Variants in ZNF519 observed in about 807,000 individuals in gnomAD.
The protein encoded by ZNF519 is similar to Zinc finger protein 85 (Zinc finger protein HPF4) (HTF1).
ZNF519 carries 7 observed loss-of-function variants against 7.4 expected under a neutral mutation model. The observed-to-expected ratio is 0.94, with a 90% CI of 0.54 to 1.77. The LOEUF is 1.77. Ranked by LOEUF, ZNF519 falls within the 40% of genes most tolerant of loss-of-function variation. ZNF519 has a pLI of 0.00. For missense variants in ZNF519, 586 were observed against 623.1 expected (o/e 0.94, Z 0.63); for synonymous variants, 179 against 203.3 (o/e 0.88, Z 1.02).
At chr18:14,079,220 A>T (rs2046060902) in intron 3 of ZNF519, among the ~76,000 whole-genome samples, 1 of 152,178 alleles carries the variant, frequency 6.6e-6, no homozygotes, top group Admixed American at 6.5e-5. Context: ...CACAGGAGGG[A>T]GACCTGTAGT....
At chr18:14,120,249 A>G (rs1243501664) in intron 2 of ZNF519, among the ~76,000 whole-genome samples, 1 of 152,184 alleles carries the variant, frequency 6.6e-6, no homozygotes, top group East Asian at 1.9e-4. Flanking sequence ...ATCCATGCAT[A>G]CAAGGTCAAC....
chr18:14,105,296 C>G lies in ZNF519; in HGVS notation c.1244G>C (p.Arg415Thr). Residue 415 changes from arginine to threonine, a missense_variant, in exon 3 of 3, where the codon AGA becomes ACA. Transcript: ENST00000590202. ...KCKECGKAFN[R>T]ASHLTQHQRI... ...CTGATGTTGAGTAAGGTGTGAAGCT[C>G]TGTTAAAAGCTTTGCCACATTCCTT... 3 of 1,613,436 alleles carry G rather than the reference C, an allele frequency of 1.9e-6. No homozygotes were observed. The highest frequency in any genetic ancestry group is 2.7e-5 in the African/African-American group (2 of 74,852).
intron 3 of ZNF519, among the ~76,000 whole-genome samples, chr18:14,079,707 T>C (rs921949644): frequency 1.3e-5 from 2 of 152,186 alleles, no homozygotes; most frequent in African/African-American, 4.8e-5. Flanking sequence ...GACATATACA[T>C]ATTAAAATAT....
chr18:14,118,106 T>A lies in ZNF519; in HGVS notation c.130+6244A>T, dbSNP rs538517238. 4.9e-4 allele frequency among the ~76,000 whole-genome samples: 74 copies of A among 152,344 alleles called. 1 individual carries two copies. Among genetic ancestry groups the A allele is most frequent in the African/African-American group, 1.6e-3 (68 of 41,574 alleles). ...CAGAGTCTCGCTCTGTCGTCCAGGC[T>A]GGAGTGCAGTGGCATGGCCTCGGCT... On this transcript the variant is annotated intron_variant, in intron 2 of 2. Coordinates refer to ENST00000590202, the MANE Select transcript of ZNF519 (RefSeq NM_145287.4).
At position 14,125,981 on chromosome 18, in the gene ZNF519, C is replaced by T. The variant is rs567441594; in HGVS notation, c.4-1505G>A. Among the ~76,000 whole-genome samples the T allele has an allele frequency of 2.6e-4, 39 of 152,274 alleles. 1 individual carries two copies. In the East Asian group the frequency reaches 3.5e-3, roughly 14 times the overall value. On this transcript the variant is annotated intron_variant, in intron 1 of 2. Coordinates refer to ENST00000590202, the MANE Select transcript of ZNF519 (RefSeq NM_145287.4). Reference sequence around the variant, plus strand: ...GATTACAGGCATGAGCCACCGCACCCGGCCTAATTTTTTAAAAAAGAATTT... The same window carrying T: ...GATTACAGGCATGAGCCACCGCACCTGGCCTAATTTTTTAAAAAAGAATTT...
At chr18:14,095,716 T>C (rs1010872523), downstream of ZNF519, among the ~76,000 whole-genome samples, 33 of 152,236 alleles carry the variant, frequency 2.2e-4, no homozygotes, top group Non-Finnish European at 7.3e-5. Context: ...GGTTTCACCA[T>C]GTCAAGCTAG....
At chr18:14,123,259 GATTCTCCA>G (rs2046279007) in intron 2 of ZNF519, 1 of 160,802 alleles carries the variant, frequency 6.2e-6, no homozygotes, top group Non-Finnish European at 1.4e-5. Flanking sequence ...TGTTGCTGGG[GATTCTCCA>G]ATTACCAACC....
chr18:14,096,498 T>C (rs1384920490), downstream of ZNF519, among the ~76,000 whole-genome samples: 1 of 152,174 alleles, frequency 6.6e-6, no homozygotes, highest in Non-Finnish European at 1.5e-5. Flanking sequence ...CTGATTCTCA[T>C]ATGTCCCACT....
chr18:14,125,346 T>TA (rs2046293672), intron 1 of ZNF519, among the ~76,000 whole-genome samples: 1 of 152,240 alleles, frequency 6.6e-6, no homozygotes, highest in South Asian at 2.1e-4. Context: ...GAGCATGTAC[T>TA]ATGTGCCCAA....
chr18:14,115,880 CTG>C (rs2143148342), intron 2 of ZNF519, among the ~76,000 whole-genome samples: 1 of 152,258 alleles, frequency 6.6e-6, no homozygotes, highest in South Asian at 2.1e-4. Flanking sequence ...ACAGACTGAA[CTG>C]TGTCAGGGGC....
intron 2 of ZNF519, among the ~76,000 whole-genome samples, chr18:14,113,452 G>A (rs1426849198): frequency 6.6e-6 from 1 of 152,144 alleles, no homozygotes; most frequent in Non-Finnish European, 1.5e-5. Flanking sequence ...TACACATACT[G>A]AAGTCTCATG....
intron 1 of ZNF519, among the ~76,000 whole-genome samples, chr18:14,131,312 G>A (rs2143180534): frequency 6.6e-6 from 1 of 152,318 alleles, no homozygotes; most frequent in East Asian, 1.9e-4. Context: ...CCACTGCTCT[G>A]TGAAAAAGTG....
In ZNF519 at chr18:14,105,933, G is replaced by A. The variant is rs2046188486; in HGVS notation, c.607C>T (p.His203Tyr). 6.2e-7 allele frequency: 1 copy of A among 1,608,394 alleles called. No individual in the cohort carries two copies. The highest frequency in any genetic ancestry group is 1.7e-5 in the Admixed American group (1 of 59,064). ...GAGTTGTAAGGCTTTTTTTGAATAT[G>A]GATATTTTCAGGGAAAATAAGCTTT... The part of the protein sequence containing the change: ...SSKLIFPENI[H>Y]IQKKPYNSNE... The change falls in exon 3 of 3, where the codon CAT (histidine) becomes TAT (tyrosine). Residue 203 changes from histidine to tyrosine, a missense_variant. His to Tyr is a moderately conservative substitution (Grantham distance 83). Coordinates refer to ENST00000590202, the MANE Select transcript of ZNF519 (RefSeq NM_145287.4).
chr18:14,094,056 C>CT, intron 2 of ZNF519, among the ~76,000 whole-genome samples: 1 of 152,322 alleles, frequency 6.6e-6, no homozygotes, highest in East Asian at 1.9e-4. Flanking sequence ...TGGTTTCTTG[C>CT]TTTAATGCGT....
At chr18:14,108,606 T>C (rs2046205698) in intron 2 of ZNF519, among the ~76,000 whole-genome samples, 1 of 150,052 alleles carries the variant, frequency 6.7e-6, no homozygotes, top group Non-Finnish European at 1.5e-5. Flanking sequence ...ATAGAGTGGC[T>C]AAATGGATAA....
downstream of ZNF519, chr18:14,075,744 T>C (rs571231193): frequency 6.6e-6 from 1 of 152,334 alleles, no homozygotes; most frequent in South Asian, 2.1e-4. Flanking sequence ...AGGACATTTG[T>C]TCTTTTCCAG....
chr18:14,131,795 C>T (rs2046331704), intron 1 of ZNF519, among the ~76,000 whole-genome samples: 1 of 152,204 alleles, frequency 6.6e-6, no homozygotes. Flanking sequence ...TGCTTCCTCA[C>T]ACACCTTATA....
rs578061656 is a variant in ZNF519 at position 14,081,480 on chromosome 18, C to T, written c.*178-3182G>A. 3.2e-4 allele frequency among the ~76,000 whole-genome samples: 48 copies of T among 152,300 alleles called. No homozygotes were observed. In the East Asian group the frequency reaches 4.2e-3, roughly 13 times the overall value. On this transcript the variant is annotated intron_variant and NMD_transcript_variant, in intron 3 of 4. Coordinates refer to the ZNF519 transcript ENST00000587419. Reference sequence around the variant, plus strand: ...TAATAAAGGCAATGCTAGTCAAAAGCTGGACAGGCAGTTGCTGGGCAGATG... The same window carrying T: ...TAATAAAGGCAATGCTAGTCAAAAGTTGGACAGGCAGTTGCTGGGCAGATG...
chr18:14,091,591 T>C (rs1447404807), intron 2 of ZNF519, among the ~76,000 whole-genome samples: 3 of 152,108 alleles, frequency 2.0e-5, no homozygotes. Flanking sequence ...GACAGAGCAA[T>C]GAAGACTCGA....
Sources: gnomAD v4.1 joint callset for allele counts (sites outside exome capture counted in the v4.1 genomes callset) on GRCh38, gnomAD v4.1.1 for gene constraint, MANE v1.5 for transcripts, NCBI Gene and HGNC (gene_info 2026-07-23, HGNC 2026-07-21) for gene names.